Variants in DLG2 observed in about 807,000 individuals in gnomAD.
DLG2 encodes disks large homolog 2.
Under a neutral mutation model 132.5 loss-of-function variants are expected in DLG2, and 45 were observed. The ratio of observed to expected loss-of-function variants is 0.34; its 90% confidence interval spans 0.27 to 0.44. The LOEUF is 0.44. DLG2 is among the 20% of genes least tolerant of loss of function. The pLI is 1.00. For missense variants in DLG2, 1,045 were observed against 1,196.9 expected, an observed-to-expected ratio of 0.87 and a Z score of 1.87; for synonymous variants, 424 against 419.6, an observed-to-expected ratio of 1.01 and a Z score of -0.13.
chr11:83,743,072 T>C (rs774995243), intron 18 of DLG2, among the ~76,000 whole-genome samples: 1 of 152,152 alleles, frequency 6.6e-6, no homozygotes, highest in Non-Finnish European at 1.5e-5. Context: ...TAAAAAGAAA[T>C]GGATCTATCC....
At chr11:84,647,298 T>C (rs866639088) in intron 6 of DLG2, among the ~76,000 whole-genome samples, 5 of 152,122 alleles carry the variant, frequency 3.3e-5, no homozygotes, top group Non-Finnish European at 4.4e-5. Context: ...AAATAAAGGA[T>C]GATAATGATG....
chr11:83,825,964 A>G (rs4480568), intron 17 of DLG2, among the ~76,000 whole-genome samples: 108,288 of 152,018 alleles, frequency 0.71, 39,650 homozygotes, highest in African/African-American at 0.88. Context: ...GAGTGGCTGA[A>G]GCATCAGTGA....
chr11:83,993,329 A>C (rs1313197130), intron 11 of DLG2, among the ~76,000 whole-genome samples: 10 of 152,192 alleles, frequency 6.6e-5, no homozygotes, highest in African/African-American at 2.4e-4. Context: ...AGCATCCTAC[A>C]TTAAGAAAGA....
At chr11:84,091,810 C>T (rs2097097746) in intron 10 of DLG2, among the ~76,000 whole-genome samples, 1 of 152,160 alleles carries the variant, frequency 6.6e-6, no homozygotes, top group Admixed American at 6.5e-5. Context: ...ATTTTGGGAA[C>T]TTGGGGTTCT....
At chr11:84,667,559 C>T (rs1483044918) in intron 6 of DLG2, among the ~76,000 whole-genome samples, 32 of 136,292 alleles carry the variant, frequency 2.3e-4, no homozygotes, top group African/African-American at 8.3e-4. Context: ...TACAGTGGTG[C>T]GACCTCAGCT....
intron 18 of DLG2, among the ~76,000 whole-genome samples, chr11:83,779,378 T>C (rs921878977): frequency 2.0e-5 from 3 of 152,234 alleles, no homozygotes; most frequent in African/African-American, 7.2e-5. Context: ...AATGCTGTCA[T>C]GTATACATCA....
At chr11:84,067,006 C>T (rs965428936) in intron 10 of DLG2, among the ~76,000 whole-genome samples, 1 of 152,064 alleles carries the variant, frequency 6.6e-6, no homozygotes, top group Admixed American at 6.6e-5. Flanking sequence ...TTTTAAAAAA[C>T]CACTAGCTAA....
intron 18 of DLG2, among the ~76,000 whole-genome samples, chr11:83,706,756 A>C (rs2084106157): frequency 6.6e-6 from 1 of 152,198 alleles, no homozygotes; most frequent in African/African-American, 2.4e-5. Flanking sequence ...TGTGCATGCC[A>C]GAGTGGCGAG....
chr11:83,843,534 C>T (rs2058034815), intron 16 of DLG2, among the ~76,000 whole-genome samples: 1 of 152,058 alleles, frequency 6.6e-6, no homozygotes, highest in African/African-American at 2.4e-5. Context: ...ACTTTTAGGT[C>T]CTTGTTTTGT....
At chr11:84,815,285 C>G (rs570529872) in intron 6 of DLG2, among the ~76,000 whole-genome samples, 88 of 152,184 alleles carry the variant, frequency 5.8e-4, no homozygotes, top group African/African-American at 2.1e-3. Context: ...TAGAAAGTAA[C>G]TTAGAGAAAC....
intron 6 of DLG2, among the ~76,000 whole-genome samples, chr11:85,049,106 G>A (rs1217550571): frequency 2.6e-5 from 4 of 151,954 alleles, no homozygotes; most frequent in East Asian, 3.9e-4. Flanking sequence ...AGAAAACCAT[G>A]AGTTTTACCC....
At chr11:84,504,005 G>A (rs944529282) in intron 7 of DLG2, among the ~76,000 whole-genome samples, 4 of 152,078 alleles carry the variant, frequency 2.6e-5, no homozygotes, top group African/African-American at 7.2e-5. Flanking sequence ...ACTGAAATAC[G>A]GATGTAGATA....
At chr11:85,323,875 A>T (rs925799238) in intron 3 of DLG2, among the ~76,000 whole-genome samples, 14 of 152,216 alleles carry the variant, frequency 9.2e-5, no homozygotes, top group African/African-American at 3.1e-4. Context: ...GTGAATATAT[A>T]CCACTTTTTT....
intron 19 of DLG2, among the ~76,000 whole-genome samples, chr11:83,567,204 G>A (rs2096723927): frequency 6.6e-6 from 1 of 152,150 alleles, no homozygotes; most frequent in South Asian, 2.1e-4. Flanking sequence ...GGTGGCACAA[G>A]AATGAGTCAT....
In DLG2 at chr11:83,639,517, A is replaced by G. The variant is rs2065820181; in HGVS notation, c.1826-6192T>C. On this transcript the variant is annotated intron_variant, in intron 18 of 27. Coordinates refer to ENST00000376104, the MANE Select transcript of DLG2 (RefSeq NM_001142699.3). ...CAAACTATCGCAAGGACAAAAAACC[A>G]AACACCGCATGTTCTCACTCATAGG... Among the ~76,000 whole-genome samples, 3 of 151,820 alleles carry G rather than the reference A, an allele frequency of 2.0e-5. No homozygotes were observed. The South Asian group carries it at 6.3e-4, about 32-fold the overall frequency.
chr11:84,404,718 G>A (rs1163738127), intron 7 of DLG2, among the ~76,000 whole-genome samples: 1 of 152,030 alleles, frequency 6.6e-6, no homozygotes. Flanking sequence ...AACTCAACCA[G>A]CTATAATTAA....
At position 84,718,632 on chromosome 11, in the gene DLG2, T is replaced by A. The variant is rs529801788; in HGVS notation, c.358-183901A>T. Among the ~76,000 whole-genome samples the A allele has an allele frequency of 8.5e-5, 13 of 152,320 alleles. No individual in the cohort carries two copies. The South Asian group carries it at 1.7e-3, about 19-fold the overall frequency. The stretch of plus-strand genomic sequence containing the variant: ...CCCTTGACAAATAATTCACCTTTGT[T>A]AAATATCATTTAGCACCGCTAAGTA... On this transcript the variant is annotated intron_variant, in intron 6 of 27. Transcript: ENST00000376104.
chr11:83,609,473 C>T (rs2059804553), intron 19 of DLG2, among the ~76,000 whole-genome samples: 1 of 152,186 alleles, frequency 6.6e-6, no homozygotes, highest in Non-Finnish European at 1.5e-5. Context: ...TTTGAAATTT[C>T]CCATTAAGCT....
At chr11:84,669,376 A>G (rs979043655) in intron 6 of DLG2, among the ~76,000 whole-genome samples, 1 of 152,196 alleles carries the variant, frequency 6.6e-6, no homozygotes, top group Admixed American at 6.5e-5. Context: ...ATGCCAAAGT[A>G]GGACAATGGC....
Sources: gnomAD v4.1 joint callset for allele counts (sites outside exome capture counted in the v4.1 genomes callset) on GRCh38, gnomAD v4.1.1 for gene constraint, MANE v1.5 for transcripts, NCBI Gene and HGNC (gene_info 2026-07-23, HGNC 2026-07-21) for gene names.